The following WDHD1 variants were observed in gnomAD, a reference collection of about 807,000 sequenced individuals.
WDHD1 encodes the protein WD repeat and HMG-box DNA-binding protein 1.
WDHD1 carries 111 observed loss-of-function variants against 135.4 expected under a neutral mutation model. The ratio of observed to expected loss-of-function variants is 0.82; its 90% CI spans 0.70 to 0.96. WDHD1 has a LOEUF of 0.96. WDHD1 is among the 40% of genes least tolerant of loss of function. The probability of loss-of-function intolerance (pLI) is 0.00; values close to 1 mark genes in which losing one functional copy is unlikely to be tolerated. For synonymous variants in WDHD1, 434 were observed against 439.0 expected (o/e 0.99, Z 0.14); for missense variants, 1,351 against 1,336.3 (o/e 1.01, Z -0.17).
At chr14:54,949,120 T>C (rs1473468220) in intron 24 of WDHD1, among the ~76,000 whole-genome samples, 2 of 152,022 alleles carry the variant, frequency 1.3e-5, no homozygotes, top group Non-Finnish European at 2.9e-5. Context: ...GGAACGCAGC[T>C]CCTCACCAGC....
At position 54,989,073 on chromosome 14, in the gene WDHD1, T is replaced by A. The variant is rs1165509435; in HGVS notation, c.1481A>T (p.His494Leu). Residue 494 changes from histidine to leucine, a missense_variant, in exon 13 of 26, where the codon CAC becomes CTC. This residue lies in a region of WDHD1 where 1,330 missense variants were observed against 1,296.1 expected (regional missense o/e 1.03). Coordinates refer to ENST00000360586, the MANE Select transcript of WDHD1 (RefSeq NM_007086.4). ...TLNYTIADLS[H>L]EAILLACEST... ...TTCACATGCCAACAAAATAGCTTCG[T>A]GGGAAAGATCTGCTATTGTATAATT... 1.9e-6 allele frequency: 3 copies of A among 1,613,238 alleles called. No homozygotes were observed. In the Admixed American group the frequency reaches 5.0e-5, roughly 27 times the overall value.
At chr14:54,966,929 GA>G (rs953611890) in intron 17 of WDHD1, among the ~76,000 whole-genome samples, 10 of 152,202 alleles carry the variant, frequency 6.6e-5, no homozygotes, top group African/African-American at 2.4e-4. Context: ...GATTTCAAAT[GA>G]CTTTTGATGA....
intron 1 of WDHD1, 67 bp from the exon 2 acceptor site, chr14:55,026,870 G>A: frequency 6.6e-7 from 1 of 1,519,616 alleles, no homozygotes; most frequent in South Asian, 1.1e-5. Flanking sequence ...CTAGGGATAG[G>A]AAGAGAGCTT....
At chr14:55,005,183 T>C in intron 7 of WDHD1, 1 of 539,904 alleles carries the variant, frequency 1.9e-6, no homozygotes, top group Non-Finnish European at 3.6e-6. Flanking sequence ...TCCCACTGAG[T>C]GAGCTCCCTT....
intron 11 of WDHD1, among the ~76,000 whole-genome samples, chr14:54,993,790 TGA>T (rs1265602281): frequency 2.0e-5 from 3 of 152,206 alleles, no homozygotes; most frequent in African/African-American, 4.8e-5. Flanking sequence ...CATGTTTACA[TGA>T]GTTTATTAAT....
intron 6 of WDHD1, among the ~76,000 whole-genome samples, chr14:55,008,026 A>G (rs2042101569): frequency 6.6e-6 from 1 of 152,236 alleles, no homozygotes. Context: ...ACGCATGGTC[A>G]TTACATTGTA....
At chr14:55,006,752 C>A (rs369184965) in intron 7 of WDHD1, among the ~76,000 whole-genome samples, 1 of 152,098 alleles carries the variant, frequency 6.6e-6, no homozygotes, top group Non-Finnish European at 1.5e-5. Context: ...AAAATTAATT[C>A]ATTCATGCAA....
At chr14:54,961,888 G>A (rs2041257752) in intron 21 of WDHD1, among the ~76,000 whole-genome samples, 1 of 150,972 alleles carries the variant, frequency 6.6e-6, no homozygotes, top group African/African-American at 2.4e-5. Flanking sequence ...CCAGGCTGGA[G>A]TGCAATGGCA....
intron 24 of WDHD1, among the ~76,000 whole-genome samples, chr14:54,954,665 C>G (rs986184342): frequency 1.3e-5 from 2 of 152,212 alleles, no homozygotes; most frequent in African/African-American, 2.4e-5. Context: ...ATTTTTCTAT[C>G]TATCCATCCA....
intron 8 of WDHD1, 85 bp from the exon 9 acceptor site, chr14:55,001,077 T>C (rs2041973364): frequency 3.2e-6 from 3 of 925,812 alleles, no homozygotes; most frequent in Non-Finnish European, 4.5e-6. Flanking sequence ...AATTTTCTTT[T>C]CATTTTTTTT....
chr14:55,008,486 C>G lies in WDHD1; in HGVS notation c.454-120G>C, dbSNP rs554887839. 252 of 1,438,804 alleles carry G rather than the reference C, an allele frequency of 1.8e-4. 1 individual carries two copies. The African/African-American group carries it at 3.1e-3, about 18-fold the overall frequency. The allele number at this position is 1,438,804 out of a possible 1,614,324, so 89.1% of individuals were successfully genotyped here. ...CTGGGTGAAATTTCCTGCTAACTCT[C>G]TTACTGAATAAAACAAAGGTTGAAA... On this transcript the variant is annotated intron_variant, in intron 5 of 25. Transcript: ENST00000360586.
intron 11 of WDHD1, among the ~76,000 whole-genome samples, chr14:54,992,168 G>A (rs2041803621): frequency 6.6e-6 from 1 of 151,650 alleles, no homozygotes; most frequent in Non-Finnish European, 1.5e-5. Context: ...TGAGACAGGA[G>A]AATCGCTTGA....
intron 2 of WDHD1, among the ~76,000 whole-genome samples, chr14:55,023,325 TAA>T (rs1423170283): frequency 1.3e-5 from 2 of 152,228 alleles, no homozygotes; most frequent in African/African-American, 4.8e-5. Context: ...CAATACAAGA[TAA>T]AGTTATTTCA....
chr14:54,963,361 G>A (rs2041288092), intron 18 of WDHD1, among the ~76,000 whole-genome samples, 189 bp from the exon 19 acceptor site: 1 of 152,024 alleles, frequency 6.6e-6, no homozygotes, highest in African/African-American at 2.4e-5. Flanking sequence ...AATTAATGGT[G>A]GGTCAGTTTG....
At chr14:55,026,299 T>C (rs1019127690) in intron 2 of WDHD1, among the ~76,000 whole-genome samples, 2 of 151,528 alleles carry the variant, frequency 1.3e-5, no homozygotes, top group Non-Finnish European at 2.9e-5. Context: ...GAGGAAAAAA[T>C]TGTTTTAAGC....
At chr14:54,983,894 T>G in intron 15 of WDHD1, among the ~76,000 whole-genome samples, 1 of 152,146 alleles carries the variant, frequency 6.6e-6, no homozygotes, top group East Asian at 1.9e-4. Flanking sequence ...CGAAGATATC[T>G]CAAATATTAT....
chr14:54,946,646 C>T (rs528601859), intron 24 of WDHD1, among the ~76,000 whole-genome samples: 2 of 152,198 alleles, frequency 1.3e-5, no homozygotes, highest in East Asian at 3.9e-4. Flanking sequence ...ACCACACACA[C>T]CTGGCTGATT....
intron 16 of WDHD1, among the ~76,000 whole-genome samples, chr14:54,975,602 C>T (rs1434643197): frequency 6.6e-6 from 1 of 152,092 alleles, no homozygotes; most frequent in African/African-American, 2.4e-5. Context: ...GCCTGCCTTG[C>T]CCTCCCAAGG....
At chr14:54,954,271 A>G (rs577343576) in intron 24 of WDHD1, among the ~76,000 whole-genome samples, 9 of 152,308 alleles carry the variant, frequency 5.9e-5, no homozygotes, top group Non-Finnish European at 1.3e-4. Context: ...GGGCAACAAG[A>G]GCGAAACTCC....
Sources: allele counts gnomAD v4.1 joint callset (sites outside exome capture counted in the v4.1 genomes callset), GRCh38; gene constraint gnomAD v4.1.1; regional missense constraint gnomAD v4.1.1; transcripts MANE v1.5; gene names NCBI Gene and HGNC (gene_info 2026-07-23, HGNC 2026-07-21).